Variants in THADA observed in about 807,000 individuals in gnomAD.
THADA encodes the protein THADA armadillo repeat containing.
THADA carries 213 observed loss-of-function variants against 219.8 expected under a neutral mutation model. The ratio of observed to expected loss-of-function variants is 0.97; its 90% CI spans 0.87 to 1.09. The LOEUF (loss-of-function observed/expected upper bound fraction) is 1.09, where lower values mean the gene tolerates loss of function less well. THADA is among the 50% of genes least tolerant of loss of function. The pLI, the probability that THADA is intolerant of heterozygous loss-of-function variation, is 0.00. For missense variants in THADA, 2,956 were observed against 2,311.3 expected (o/e 1.28, Z -5.72); for synonymous variants, 1,018 against 828.9 (o/e 1.23, Z -3.92).
At chr2:43,536,801 C>A (rs1694670615) in intron 21 of THADA, among the ~76,000 whole-genome samples, 1 of 152,120 alleles carries the variant, frequency 6.6e-6, no homozygotes, top group Non-Finnish European at 1.5e-5. Context: ...TAATTAAACA[C>A]AGTTCTTTTA....
intron 22 of THADA, among the ~76,000 whole-genome samples, chr2:43,515,200 A>T (rs868734698): frequency 0.077 from 366 of 4,728 alleles, 18 homozygotes; most frequent in African/African-American, 0.15. Flanking sequence ...TATTATATAT[A>T]ATATATAATA....
chr2:43,537,197 A>G (rs1694719614), intron 21 of THADA, among the ~76,000 whole-genome samples: 1 of 152,234 alleles, frequency 6.6e-6, no homozygotes, highest in Admixed American at 6.5e-5. Flanking sequence ...TCTACCACTC[A>G]GATATCATCT....
In THADA at chr2:43,586,740, G is replaced by A; in HGVS notation, c.452-6C>T. 6 of 1,612,112 alleles carry A rather than the reference G, an allele frequency of 3.7e-6. No homozygotes were observed. Among genetic ancestry groups the A allele is most frequent in the South Asian group, 2.2e-5 (2 of 90,496 alleles). ...ATTATTAACACTTGCTCTACCTGTA[G>A]AGGAAAAAATGAACACTGGTAAGGA... is the stretch of plus-strand genomic sequence containing the variant. On this transcript the variant is annotated splice_region_variant and splice_polypyrimidine_tract_variant and intron_variant, in intron 5 of 37. Transcript: ENST00000405975.
chr2:43,361,275 T>C (rs1669492911), intron 29 of THADA, among the ~76,000 whole-genome samples: 1 of 152,216 alleles, frequency 6.6e-6, no homozygotes, highest in African/African-American at 2.4e-5. Context: ...AAGTTCCTCA[T>C]CTATAAAATA....
intron 26 of THADA, among the ~76,000 whole-genome samples, chr2:43,466,908 C>T (rs1684304991): frequency 6.7e-6 from 1 of 149,312 alleles, no homozygotes; most frequent in Non-Finnish European, 1.5e-5. Flanking sequence ...GGGGGCCGGG[C>T]ACGGTGGCTC....
chr2:43,353,009 G>A (rs1259755210), intron 29 of THADA, among the ~76,000 whole-genome samples: 1 of 152,020 alleles, frequency 6.6e-6, no homozygotes, highest in African/African-American at 2.4e-5. Context: ...ACACTTTTCT[G>A]TGTCTGGCTT....
intron 28 of THADA, among the ~76,000 whole-genome samples, chr2:43,404,158 G>A (rs1353181834): frequency 6.6e-6 from 1 of 152,040 alleles, no homozygotes; most frequent in Non-Finnish European, 1.5e-5. Context: ...GTAATGAAGA[G>A]GGGAACTCCT....
At chr2:43,337,216 T>A (rs1358299922) in intron 30 of THADA, among the ~76,000 whole-genome samples, 1 of 152,196 alleles carries the variant, frequency 6.6e-6, no homozygotes, top group South Asian at 2.1e-4. Flanking sequence ...AGACCCCTTT[T>A]AAAGAAGACA....
intron 26 of THADA, among the ~76,000 whole-genome samples, chr2:43,454,881 C>T (rs532259866): frequency 2.6e-5 from 4 of 152,190 alleles, no homozygotes; most frequent in Admixed American, 2.6e-4. Flanking sequence ...GCTCCATTAA[C>T]TTCTAAGTCC....
chr2:43,344,049 A>G, intron 30 of THADA, 73 bp downstream of exon 30: 2 of 1,104,644 alleles, frequency 1.8e-6, no homozygotes, highest in Non-Finnish European at 2.7e-6. Context: ...AACTCCCCAC[A>G]ACTAGAAACA....
In THADA at chr2:43,334,383, G is replaced by T. The variant is rs534072494; in HGVS notation, c.4343+9739C>A. 5.9e-5 allele frequency among the ~76,000 whole-genome samples: 9 copies of T among 152,144 alleles called. No homozygotes were observed. In the South Asian group the frequency reaches 1.2e-3, roughly 21 times the overall value. ...GGATAGATTATTAGAATTAACTTGG[G>T]GTAGCAAGTCATTAGGTCTGGTACA... On this transcript the variant is annotated intron_variant, in intron 30 of 37. Coordinates refer to ENST00000405975, the MANE Select transcript of THADA (RefSeq NM_022065.5).
At chr2:43,420,405 T>C (rs1351997803) in intron 28 of THADA, among the ~76,000 whole-genome samples, 1 of 152,258 alleles carries the variant, frequency 6.6e-6, no homozygotes. Context: ...AATGAATGTT[T>C]AACAAATACT....
At chr2:43,585,346 C>CAAAA (rs34682195) in intron 7 of THADA, among the ~76,000 whole-genome samples, 1 of 95,324 alleles carries the variant, frequency 1.0e-5, no homozygotes, top group East Asian at 3.3e-4. Context: ...CTCATTCCTA[C>CAAAA]AAAAAAAAAA....
chr2:43,336,206 C>A (rs1482179692), intron 30 of THADA, among the ~76,000 whole-genome samples: 2 of 152,190 alleles, frequency 1.3e-5, no homozygotes, highest in Non-Finnish European at 2.9e-5. Flanking sequence ...CTGCACTGAG[C>A]TATGACCATG....
At chr2:43,551,646 G>A (rs1696757771) in intron 19 of THADA, 143 bp downstream of exon 19, 3 of 705,450 alleles carry the variant, frequency 4.3e-6, no homozygotes, top group Non-Finnish European at 6.0e-6. Context: ...CTAAAAGGCA[G>A]AAATACCACA....
chr2:43,556,428 G>T lies in THADA; in HGVS notation c.2591C>A (p.Ser864Tyr). The T allele has an allele frequency of 6.2e-7, 1 of 1,613,832 alleles. No homozygotes were observed. The change falls in exon 17 of 38, where the codon TCC becomes TAC. Residue 864 changes from serine to tyrosine, a missense_variant. By Grantham distance (144) the Ser-to-Tyr change is moderately radical. Transcript: ENST00000405975. ...FLIWQDALPS[S>Y]LSAYLTQQVA... The stretch of plus-strand genomic sequence containing the variant: ...TTGCTGAGTTAAGTAGGCAGACAAG[G>T]ATGACGGTAGAGCATCCTGCCAGAT...
intron 7 of THADA, among the ~76,000 whole-genome samples, chr2:43,585,878 T>C (rs2104138162): frequency 6.6e-6 from 1 of 152,178 alleles, no homozygotes; most frequent in Non-Finnish European, 1.5e-5. Flanking sequence ...TTCATTTAAA[T>C]ATTTTAATAA....
chr2:43,516,149 T>C (rs990085888), intron 22 of THADA, among the ~76,000 whole-genome samples: 2 of 152,190 alleles, frequency 1.3e-5, no homozygotes, highest in Admixed American at 1.3e-4. Context: ...TCACTATCTC[T>C]TTTCTGTAGT....
chr2:43,592,187 T>C, intron 2 of THADA, 130 bp downstream of exon 2: 2 of 995,894 alleles, frequency 2.0e-6, no homozygotes, highest in Non-Finnish European at 2.9e-6. Context: ...TTTAAGAAAA[T>C]TGTTTTACAT....
Sources: allele counts gnomAD v4.1 joint callset (sites outside exome capture counted in the v4.1 genomes callset), GRCh38; gene constraint gnomAD v4.1.1; transcripts MANE v1.5; gene names NCBI Gene and HGNC (gene_info 2026-07-23, HGNC 2026-07-21).